The following GIMD1 variants were observed in gnomAD, a reference collection of about 807,000 sequenced individuals.
GIMD1 encodes the protein GIMAP family P-loop NTPase domain containing 1.
Under a neutral mutation model 14.9 loss-of-function variants are expected in GIMD1, and 14 were observed. The observed-to-expected ratio is 0.94, with a 90% CI of 0.62 to 1.47. GIMD1 has a LOEUF of 1.47. GIMD1 is among the 40% of genes most tolerant of loss of function. GIMD1 has a pLI of 0.00. For missense variants in GIMD1, 272 were observed against 255.3 expected (o/e 1.07, Z -0.44); for synonymous variants, 91 against 90.5 (o/e 1.01, Z -0.03).
chr4:106,358,984 ATAT>A (rs1322728495), intron 2 of GIMD1, among the ~76,000 whole-genome samples: 3 of 151,982 alleles, frequency 2.0e-5, no homozygotes, highest in Non-Finnish European at 2.9e-5. Flanking sequence ...GAACCACAAA[ATAT>A]TATAACTGTG....
In GIMD1 at chr4:106,367,421, G is replaced by T. The variant is rs1449307027; in HGVS notation, c.15C>A (p.Asn5Lys). The change falls in exon 2 of 3, where the codon AAC becomes AAA. Residue 5 changes from asparagine to lysine, a missense_variant. Coordinates refer to ENST00000638719, the MANE Select transcript of GIMD1 (RefSeq NM_001195138.2). MTDPNKMIINLALFG... is the reference protein window; with the variant it reads MTDPKKMIINLALFG... ...AGAGGGCCAAGTTGATGATCATCTTGTTGGGGTCTGTCATGGCTGTAGGAA... is the reference window on the plus strand; with the variant it reads ...AGAGGGCCAAGTTGATGATCATCTTTTTGGGGTCTGTCATGGCTGTAGGAA... 5.2e-6 allele frequency: 8 copies of T among 1,533,126 alleles called. No homozygotes were observed. The Admixed American group carries it at 1.6e-4, about 30-fold the overall frequency. 95.0% of individuals were successfully genotyped at this position (1,533,126 alleles called of 1,614,324 possible).
intron 2 of GIMD1, among the ~76,000 whole-genome samples, chr4:106,363,895 G>T (rs981485105): frequency 9.1e-5 from 12 of 132,098 alleles, no homozygotes; most frequent in East Asian, 2.8e-4. Flanking sequence ...GGGGGGGGGG[G>T]GCGGAAATGG....
chr4:106,363,456 A>G (rs534578613), intron 2 of GIMD1, among the ~76,000 whole-genome samples: 24 of 152,290 alleles, frequency 1.6e-4, no homozygotes, highest in African/African-American at 4.8e-4. Flanking sequence ...CATTTGAATG[A>G]GTACTCATTC....
At chr4:106,362,859 T>C (rs1373849683) in intron 2 of GIMD1, among the ~76,000 whole-genome samples, 2 of 151,532 alleles carry the variant, frequency 1.3e-5, no homozygotes, top group Non-Finnish European at 2.9e-5. Flanking sequence ...ACCTCAGAGA[T>C]CATCTTATAA....
At position 106,367,238 on chromosome 4, in the gene GIMD1, T is replaced by C; in HGVS notation, c.198A>G (p.Val66=). The change falls in exon 2 of 3, where the codon GTA becomes GTG. Residue 66 remains valine (V), a synonymous_variant. Transcript: ENST00000638719. ...HSFMRRGGLE[V]ALQVQVLDTP... is the part of the protein sequence containing the mutation. Reference sequence around the variant, plus strand: ...TGTCCAACACCTGGACCTGCAGGGCTACCTCTAGCCCACCTCGACGCATGA... The same window carrying C: ...TGTCCAACACCTGGACCTGCAGGGCCACCTCTAGCCCACCTCGACGCATGA... 1 of 1,535,964 alleles carries C rather than the reference T, an allele frequency of 6.5e-7. No individual in the cohort carries two copies. The highest frequency in any genetic ancestry group is 8.7e-7 in the Non-Finnish European group (1 of 1,146,812).
At position 106,367,058 on chromosome 4, in the gene GIMD1, T is replaced by C; in HGVS notation, c.378A>G (p.Pro126=). The change falls in exon 2 of 3, where the codon CCA becomes CCG. Residue 126 remains proline, a synonymous_variant. Transcript: ENST00000638719. ...VPFCGQEVTD[P]VQMIQELLGH... The stretch of plus-strand genomic sequence containing the variant: ...TTAGTATTACCTGGATCATCTGGAC[T>C]GGGTCAGTTACTTCCTGCCCACAGA... 6.5e-7 allele frequency: 1 copy of C among 1,527,520 alleles called. No homozygotes were observed. The highest frequency in any genetic ancestry group is 8.8e-7 in the Non-Finnish European group (1 of 1,142,252). The allele number at this position is 1,527,520 out of a possible 1,614,324, so 94.6% of individuals were successfully genotyped here.
chr4:106,362,353 A>G (rs149341885), intron 2 of GIMD1, among the ~76,000 whole-genome samples: 1 of 152,240 alleles, frequency 6.6e-6, no homozygotes, highest in East Asian at 1.9e-4. Context: ...GGACCCAGAG[A>G]AAGAATCATT....
In GIMD1 at chr4:106,359,837, C is replaced by T. The variant is rs149040208; in HGVS notation, c.394-1394G>A. On this transcript the variant is annotated intron_variant, in intron 2 of 2. Coordinates refer to ENST00000638719, the MANE Select transcript of GIMD1 (RefSeq NM_001195138.2). ...AACATGAAAATACTCGTGAGAACTACGGGACAAAACATTTAAAATTAGAAA... is the reference window on the plus strand; with the variant it reads ...AACATGAAAATACTCGTGAGAACTATGGGACAAAACATTTAAAATTAGAAA... 8.6e-5 allele frequency among the ~76,000 whole-genome samples: 13 copies of T among 151,830 alleles called. No individual in the cohort carries two copies. The East Asian group carries it at 2.1e-3, about 25-fold the overall frequency.
chr4:106,358,081 C>A lies in GIMD1; in HGVS notation c.*102G>T, dbSNP rs972679870. 9 of 744,708 alleles carry A rather than the reference C, an allele frequency of 1.2e-5. No individual in the cohort carries two copies. The South Asian group carries it at 1.8e-4, about 15-fold the overall frequency. The allele number at this position is 744,708 out of a possible 1,614,324, so 46.1% of individuals were successfully genotyped here. A position where few individuals can be genotyped will look rare whatever the true frequency, so the allele number is the denominator to read the frequency against. Reference sequence around the variant, plus strand: ...TACCAATGTACACTCTCACCAGCAGCATATCAGAATACTTATGGTCCACAT... The same window carrying A: ...TACCAATGTACACTCTCACCAGCAGAATATCAGAATACTTATGGTCCACAT... On this transcript the variant is annotated 3_prime_UTR_variant, in exon 3 of 3. Transcript: ENST00000638719.
rs1770712791 is a variant in GIMD1, at chr4:106,367,053, T to C, written c.383A>G (p.Gln128Arg). 4.6e-6 allele frequency: 7 copies of C among 1,521,274 alleles called. No homozygotes were observed. The South Asian group carries it at 8.6e-5, about 19-fold the overall frequency. 94.2% of individuals were successfully genotyped at this position (1,521,274 alleles called of 1,614,324 possible). The change falls in exon 2 of 3, where the codon CAG becomes CGG. Residue 128 changes from glutamine (Q) to arginine (R), a missense_variant. Transcript: ENST00000638719. ...GCATCTTAGTATTACCTGGATCATC[T>C]GGACTGGGTCAGTTACTTCCTGCCC... ...FCGQEVTDPV[Q>R]MIQELLGHAW...
At chr4:106,364,776 G>A (rs1283298980) in intron 2 of GIMD1, among the ~76,000 whole-genome samples, 1 of 152,110 alleles carries the variant, frequency 6.6e-6, no homozygotes, top group Non-Finnish European at 1.5e-5. Context: ...ATTGCATACT[G>A]ATTTGGAAGG....
chr4:106,367,515 T>C, intron 1 of GIMD1, 78 bp from the exon 2 acceptor site: 1 of 1,339,046 alleles, frequency 7.5e-7, no homozygotes, highest in Non-Finnish European at 9.9e-7. Flanking sequence ...CCTGGCCTGG[T>C]TGCACTCCAA....
rs139316212 is a variant in GIMD1, at chr4:106,359,300, C to T, written c.394-857G>A. On this transcript the variant is annotated intron_variant, in intron 2 of 2. Coordinates refer to ENST00000638719, the MANE Select transcript of GIMD1 (RefSeq NM_001195138.2). ...CAACAAAATAACATTACCTCCATTC[C>T]GAACACTCCTATTACCAAAATATTT... Among the ~76,000 whole-genome samples, 25 of 151,868 alleles carry T rather than the reference C, an allele frequency of 1.6e-4. 1 individual carries two copies. In the East Asian group the frequency reaches 2.1e-3, roughly 13 times the overall value.
In GIMD1 at chr4:106,358,259, T is replaced by C. The variant is rs908660988; in HGVS notation, c.578A>G (p.Glu193Gly). 2 of 1,525,294 alleles carry C rather than the reference T, an allele frequency of 1.3e-6. No homozygotes were observed. The highest frequency in any genetic ancestry group is 2.0e-5 in the Admixed American group (1 of 50,462). 94.5% of individuals were successfully genotyped at this position (1,525,294 alleles called of 1,614,324 possible). A position where few individuals can be genotyped will look rare whatever the true frequency, so the allele number is the denominator to read the frequency against. The change falls in exon 3 of 3, where the codon GAA (glutamate) becomes GGA (glycine). Residue 193 changes from glutamate (E) to glycine (G), a missense_variant. Glu to Gly is a moderately conservative substitution (Grantham distance 98). Coordinates refer to ENST00000638719, the MANE Select transcript of GIMD1 (RefSeq NM_001195138.2). ...FQYKKGKSLN[E>G]QRMKILERIM... The stretch of plus-strand genomic sequence containing the variant: ...TCTTTCTAAGATTTTCATTCTTTGT[T>C]CATTGAGTGATTTTCCTTTTTTGTA...
Position 106,367,198 on chromosome 4 carries a change from G to A in GIMD1, c.238C>T (p.His80Tyr), listed in dbSNP as rs1262250638. The change falls in exon 2 of 3, where the codon CAC becomes TAC. Residue 80 changes from histidine (H) to tyrosine (Y), a missense_variant. His to Tyr is a moderately conservative substitution (Grantham distance 83). Coordinates refer to ENST00000638719, the MANE Select transcript of GIMD1 (RefSeq NM_001195138.2). ...VQVLDTPGYPHSRLSKKYVKQ... is the reference protein window; with the variant it reads ...VQVLDTPGYPYSRLSKKYVKQ... ...ACATACTTCTTGCTCAGCCTGCTGT[G>A]TGGATAACCTGGAGTGTCCAACACC... is the stretch of plus-strand genomic sequence containing the variant. The A allele has an allele frequency of 6.5e-7, 1 of 1,535,848 alleles. No individual in the cohort carries two copies. The highest frequency in any genetic ancestry group is 1.4e-5 in the African/African-American group (1 of 73,118).
chr4:106,367,015 C>T (rs1770712336), intron 2 of GIMD1, 28 bp downstream of exon 2: 2 of 1,330,330 alleles, frequency 1.5e-6, no homozygotes, highest in South Asian at 1.6e-5. Flanking sequence ...GTAATAATGG[C>T]ATTAGTGTAA....
chr4:106,367,725 A>G (rs964010688), intron 1 of GIMD1, among the ~76,000 whole-genome samples: 4 of 152,224 alleles, frequency 2.6e-5, no homozygotes, highest in Admixed American at 2.0e-4. Flanking sequence ...TGAAGATCAT[A>G]AAAACCATGT....
At chr4:106,365,391 G>GTTTT (rs11461687) in intron 2 of GIMD1, among the ~76,000 whole-genome samples, 10 of 145,358 alleles carry the variant, frequency 6.9e-5, no homozygotes, top group South Asian at 2.2e-4. Context: ...ATATGGCTGG[G>GTTTT]TTTTTTTTTT....
At position 106,358,312 on chromosome 4, in the gene GIMD1, A is replaced by AT; in HGVS notation, c.524dup (p.Asn175LysfsTer19). ...GGAAAACGTATTTGTGCTGAATAGA[A>AT]TTTAGCAGCGTTTTCAGGGTATCAG... On this transcript the variant is annotated frameshift_variant, in exon 3 of 3. Coordinates refer to ENST00000638719, the MANE Select transcript of GIMD1 (RefSeq NM_001195138.2). LOFTEE classifies it high-confidence loss of function. 1 of 1,534,044 alleles carries AT rather than the reference A, an allele frequency of 6.5e-7. No individual in the cohort carries two copies.
Sources: gnomAD v4.1 joint callset for allele counts (sites outside exome capture counted in the v4.1 genomes callset) on GRCh38, gnomAD v4.1.1 for gene constraint, MANE v1.5 for transcripts, NCBI Gene and HGNC (gene_info 2026-07-23, HGNC 2026-07-21) for gene names.